The following NHS variants were observed in gnomAD, a reference collection of about 807,000 sequenced individuals.
NHS encodes the protein actin remodeling regulator NHS.
In NHS, 5 loss-of-function variants were observed where a neutral mutation model predicts 72.5. That is an observed-to-expected ratio of 0.07 (90% CI 0.04 to 0.14). The LOEUF (loss-of-function observed/expected upper bound fraction) is 0.14. NHS is among the 10% of genes least tolerant of loss of function. NHS has a pLI of 1.00. For missense variants in NHS, 1,072 were observed against 1,355.7 expected (o/e 0.79, Z 3.29); for synonymous variants, 464 against 547.7 (o/e 0.85, Z 2.13).
At position 17,733,149 on chromosome X, in the gene NHS, T is replaced by G. The variant is rs1001780879; in HGVS notation, c.*685T>G. 5.3e-5 allele frequency: 6 copies of G among 113,746 alleles called. No individual in the cohort carries two copies. The highest frequency in any genetic ancestry group is 3.7e-4 in the Admixed American group (4 of 10,884). 9.4% of individuals were successfully genotyped at this position (113,746 alleles called of 1,213,427 possible). A position where few individuals can be genotyped will look rare whatever the true frequency, so the allele number is the denominator to read the frequency against. On this transcript the variant is annotated 3_prime_UTR_variant, in exon 9 of 9. Coordinates refer to ENST00000676302, the MANE Select transcript of NHS (RefSeq NM_001291867.2). ...TAAACTGGTGAACTAAAGGAAATCT[T>G]GAGGTCATATACTGAAATATGAATA...
intron 1 of NHS, among the ~76,000 whole-genome samples, chrX:17,602,830 T>G (rs940910311): frequency 9.9e-6 from 1 of 101,463 alleles, no homozygotes; most frequent in Admixed American, 1.1e-4. Flanking sequence ...GGGGCACAAC[T>G]ACAATTTTTT....
chrX:17,405,251 A>G (rs1434042117), intron 1 of NHS, among the ~76,000 whole-genome samples: 1 of 112,046 alleles, frequency 8.9e-6, no homozygotes, highest in African/African-American at 3.2e-5. Flanking sequence ...CTCATATTCC[A>G]TTGGCTGGAA....
At chrX:17,698,522 A>AAAGT (rs1422130643) in intron 3 of NHS, among the ~76,000 whole-genome samples, 1 of 111,820 alleles carries the variant, frequency 8.9e-6, no homozygotes, top group Non-Finnish European at 1.9e-5. Context: ...CTAAACCTTC[A>AAAGT]AAGTCCAGAT....
At chrX:17,480,130 G>A (rs1319037020) in intron 1 of NHS, among the ~76,000 whole-genome samples, 1 of 111,436 alleles carries the variant, frequency 9.0e-6, no homozygotes, top group Admixed American at 9.6e-5. Flanking sequence ...AAATAAGAGA[G>A]GACACAAACA....
intron 1 of NHS, among the ~76,000 whole-genome samples, chrX:17,554,986 G>T (rs1310503402): frequency 1.8e-5 from 2 of 110,393 alleles, no homozygotes; most frequent in Non-Finnish European, 3.8e-5. Context: ...TTCTCCTAAC[G>T]CTATCCCTCC....
intron 1 of NHS, among the ~76,000 whole-genome samples, chrX:17,537,016 G>A (rs1365895295): frequency 8.9e-6 from 1 of 112,222 alleles, no homozygotes; most frequent in Non-Finnish European, 1.9e-5. Context: ...TATGAGTCAT[G>A]AAATGTATTG....
At chrX:17,633,374 A>C (rs1468888193) in intron 1 of NHS, among the ~76,000 whole-genome samples, 1 of 112,049 alleles carries the variant, frequency 8.9e-6, no homozygotes, top group Non-Finnish European at 1.9e-5. Flanking sequence ...GTGTCCACAG[A>C]AGAAAACTTC....
chrX:17,512,369 A>AT (rs1228374044), intron 1 of NHS, among the ~76,000 whole-genome samples: 1 of 112,233 alleles, frequency 8.9e-6, no homozygotes, highest in Non-Finnish European at 1.9e-5. Flanking sequence ...TAGATATGGC[A>AT]TTTTACCTAG....
chrX:17,466,029 T>A (rs56057436), intron 1 of NHS, among the ~76,000 whole-genome samples: 2,156 of 113,319 alleles, frequency 0.019, 19 homozygotes, highest in Non-Finnish European at 0.031. Context: ...ATGATGTGCA[T>A]CTGCATGCAT....
intron 5 of NHS, 31 bp downstream of exon 5, chrX:17,721,664 C>T (rs755015022): frequency 1.3e-5 from 15 of 1,141,719 alleles, no homozygotes; most frequent in South Asian, 1.9e-5. Context: ...TAGGGGCAGT[C>T]GGGTCAGAAT....
chrX:17,408,838 TCAAGGTGACTGC>T (rs1385757927), intron 1 of NHS, among the ~76,000 whole-genome samples: 1 of 111,870 alleles, frequency 8.9e-6, no homozygotes, highest in Non-Finnish European at 1.9e-5. Flanking sequence ...AAGTCCAAGA[TCAAGGTGACTGC>T]CAATTCAGTT....
chrX:17,683,006 T>C (rs1277057573), intron 1 of NHS, among the ~76,000 whole-genome samples: 1 of 111,696 alleles, frequency 9.0e-6, no homozygotes, highest in African/African-American at 3.3e-5. Flanking sequence ...TTCCTTAATG[T>C]CTAAGTTAGC....
intron 1 of NHS, among the ~76,000 whole-genome samples, chrX:17,412,985 T>G (rs776175420): frequency 9.8e-5 from 11 of 112,541 alleles, no homozygotes; most frequent in Non-Finnish European, 1.9e-4. Flanking sequence ...GGTGGGTCAA[T>G]TTGGCTTGTG....
intron 1 of NHS, among the ~76,000 whole-genome samples, chrX:17,573,684 C>T (rs964037407): frequency 1.8e-5 from 2 of 110,734 alleles, no homozygotes; most frequent in African/African-American, 3.3e-5. Context: ...TCTGTCAACT[C>T]GTCAAACTCA....
At position 17,712,290 on chromosome X, in the gene NHS, T is replaced by TATAC. The variant is rs1396937988; in HGVS notation, c.853-7053_853-7052insTACA. On this transcript the variant is annotated intron_variant, in intron 3 of 8. Transcript: ENST00000676302. The stretch of plus-strand genomic sequence containing the variant: ...ATATATATATATATATATATATATA[T>TATAC]ACACACACACACACACACACATATA... Among the ~76,000 whole-genome samples the TATAC allele has an allele frequency of 4.4e-3, 232 of 52,930 alleles. 2 individuals carry two copies. The highest frequency in any genetic ancestry group is 0.014 in the East Asian group (21 of 1,493). 46.0% of individuals were successfully genotyped at this position (52,930 alleles called of 115,157 possible).
chrX:17,686,453 C>G (rs1480610842), intron 1 of NHS, among the ~76,000 whole-genome samples: 7 of 112,033 alleles, frequency 6.2e-5, no homozygotes, highest in Non-Finnish European at 9.4e-5. Context: ...TGGCCCAGCC[C>G]TGTATCCTGG....
At chrX:17,598,939 A>G (rs1045500146) in intron 1 of NHS, among the ~76,000 whole-genome samples, 13 of 111,480 alleles carry the variant, frequency 1.2e-4, no homozygotes, top group Admixed American at 1.9e-4. Context: ...GATAACCCGT[A>G]TACTGATTTT....
At chrX:17,701,757 A>G (rs1292819942) in intron 3 of NHS, among the ~76,000 whole-genome samples, 2 of 110,860 alleles carry the variant, frequency 1.8e-5, no homozygotes, top group Non-Finnish European at 3.8e-5. Context: ...ATGTACTCTT[A>G]TGCAGCTCAG....
intron 1 of NHS, among the ~76,000 whole-genome samples, chrX:17,425,549 AAAAAAAAAAAAAAAAAAAAAAAG>A (rs1569251515): frequency 7.0e-5 from 4 of 56,905 alleles, no homozygotes; most frequent in Admixed American, 4.2e-4. Flanking sequence ...AAAAAAAAAA[AAAAAAAAAAAAAAAAAAAAAAAG>A]AAAGAAAGAA....
Sources: allele counts gnomAD v4.1 joint callset (sites outside exome capture counted in the v4.1 genomes callset), GRCh38; gene constraint gnomAD v4.1.1; transcripts MANE v1.5; gene names NCBI Gene and HGNC (gene_info 2026-07-23, HGNC 2026-07-21).